PIK3C3: variants seen among roughly 807,000 people sequenced by gnomAD.
PIK3C3 encodes PI3-kinase type 3.
PIK3C3 carries 95 observed loss-of-function variants against 126.1 expected under a neutral mutation model. The observed-to-expected ratio is 0.75, with a 90% CI of 0.64 to 0.89. The LOEUF (loss-of-function observed/expected upper bound fraction) is 0.89, where lower values mean the gene tolerates loss of function less well. Among genes scored for constraint, PIK3C3 ranks in the 40% least tolerant of loss-of-function variants. The probability of loss-of-function intolerance (pLI) is 0.00; values close to 1 mark genes in which losing one functional copy is unlikely to be tolerated. For missense variants in PIK3C3, 829 were observed against 1,063.2 expected (o/e 0.78, Z 3.06); for synonymous variants, 374 against 360.0 (o/e 1.04, Z -0.44).
Position 41,978,239 on chromosome 18 carries a change from G to C in PIK3C3, c.531+7783G>C, listed in dbSNP as rs539976324. ...CAAACTGCTGGGATTACAGGCATAAGCCACCATGCTGGACCTCTAGGCTAA... is the reference window on the plus strand; with the variant it reads ...CAAACTGCTGGGATTACAGGCATAACCCACCATGCTGGACCTCTAGGCTAA... On this transcript the variant is annotated intron_variant, in intron 4 of 24. Transcript: ENST00000262039. Among the ~76,000 whole-genome samples, 24 of 152,336 alleles carry C rather than the reference G, an allele frequency of 1.6e-4. No homozygotes were observed. In the South Asian group the frequency reaches 4.6e-3, roughly 29 times the overall value.
intron 2 of PIK3C3, among the ~76,000 whole-genome samples, chr18:41,960,126 A>C (rs1370308812): frequency 1.3e-5 from 2 of 152,140 alleles, no homozygotes; most frequent in African/African-American, 4.8e-5. Flanking sequence ...TCTGATAGTG[A>C]GTTGTGAGAG....
chr18:42,033,685 A>T (rs758436273), intron 15 of PIK3C3, 141 bp from the exon 16 acceptor site: 2 of 532,832 alleles, frequency 3.8e-6, no homozygotes, highest in Non-Finnish European at 6.4e-6. Context: ...TGTCTCTCAC[A>T]TACAACACCA....
Position 42,049,564 on chromosome 18 carries a change from T to C in PIK3C3, c.2222T>C (p.Val741Ala), listed in dbSNP as rs773893078. The C allele has an allele frequency of 1.2e-6, 2 of 1,613,732 alleles. No homozygotes were observed. Among genetic ancestry groups the C allele is most frequent in the African/African-American group, 2.7e-5 (2 of 74,918 alleles). ...GYCVITYILGVGDRHLDNLLL... is the reference protein window; with the variant it reads ...GYCVITYILGAGDRHLDNLLL... ...TGCGTGATCACCTATATACTTGGAGTTGGAGACAGGCACCTGGATAACCTT... is the reference window on the plus strand; with the variant it reads ...TGCGTGATCACCTATATACTTGGAGCTGGAGACAGGCACCTGGATAACCTT... The change falls in exon 21 of 25, where the codon GTT becomes GCT. Residue 741 changes from valine to alanine, a missense_variant. Coordinates refer to ENST00000262039, the MANE Select transcript of PIK3C3 (RefSeq NM_002647.4).
intron 10 of PIK3C3, among the ~76,000 whole-genome samples, chr18:42,007,285 T>A: frequency 6.6e-6 from 1 of 152,246 alleles, no homozygotes; most frequent in East Asian, 1.9e-4. Context: ...CTTATACTTT[T>A]AAAAAATTTG....
chr18:41,996,878 A>G, intron 9 of PIK3C3, 148 bp downstream of exon 9: 1 of 427,392 alleles, frequency 2.3e-6, no homozygotes, highest in Admixed American at 4.4e-5. Flanking sequence ...TTTTTAAAAA[A>G]ATTATGAAAT....
intron 2 of PIK3C3, among the ~76,000 whole-genome samples, chr18:41,961,155 G>A (rs889082573): frequency 3.3e-5 from 5 of 152,138 alleles, no homozygotes; most frequent in Admixed American, 3.3e-4. Flanking sequence ...GTGTTGTCTG[G>A]TAGTCATTAA....
At chr18:42,079,089 A>C (rs935156910) in intron 24 of PIK3C3, among the ~76,000 whole-genome samples, 23 of 152,320 alleles carry the variant, frequency 1.5e-4, no homozygotes, top group African/African-American at 5.3e-4. Flanking sequence ...TGGCTCTTTG[A>C]TGCGAGAGTC....
At chr18:41,973,509 T>C (rs1471811225) in intron 4 of PIK3C3, among the ~76,000 whole-genome samples, 2 of 152,132 alleles carry the variant, frequency 1.3e-5, no homozygotes, top group African/African-American at 4.8e-5. Context: ...ACTTACATTC[T>C]TAAAATTATA....
intron 9 of PIK3C3, among the ~76,000 whole-genome samples, chr18:41,997,924 G>A (rs1242617884): frequency 6.6e-6 from 1 of 152,156 alleles, no homozygotes; most frequent in Admixed American, 6.6e-5. Context: ...ATTAGAGGAA[G>A]AGCAGAGAAG....
chr18:41,997,624 A>C (rs1982090150), intron 9 of PIK3C3, among the ~76,000 whole-genome samples: 1 of 152,082 alleles, frequency 6.6e-6, no homozygotes, highest in Non-Finnish European at 1.5e-5. Context: ...TTAAGGTATA[A>C]TAATAATAGC....
intron 12 of PIK3C3, among the ~76,000 whole-genome samples, chr18:42,019,247 A>G (rs139140929): frequency 1.3e-5 from 2 of 152,248 alleles, no homozygotes; most frequent in African/African-American, 4.8e-5. Context: ...AGAATTTTCC[A>G]TGTTAAAAAT....
intron 21 of PIK3C3, 46 bp from the exon 22 acceptor site, chr18:42,057,837 C>CT: frequency 6.3e-7 from 1 of 1,578,210 alleles, no homozygotes; most frequent in Non-Finnish European, 8.7e-7. Flanking sequence ...CTACCCAGTT[C>CT]TTTAAGATAA....
intron 1 of PIK3C3, among the ~76,000 whole-genome samples, chr18:41,956,946 C>G (rs183306066): frequency 6.6e-6 from 1 of 152,136 alleles, no homozygotes. Context: ...AAATGTTCCT[C>G]CCTCTGTGAT....
rs946340519 is a variant in PIK3C3, at chr18:42,082,281, G to A, written c.*1144G>A. 3.9e-5 allele frequency: 6 copies of A among 152,140 alleles called. No homozygotes were observed. Among genetic ancestry groups the A allele is most frequent in the African/African-American group, 1.4e-4 (6 of 41,426 alleles). The allele number at this position is 152,140 out of a possible 1,614,324, so 9.4% of individuals were successfully genotyped here. ...CAGAGAAGATGAAGGTAAAATTGTG[G>A]CACAGTTTCAGAGAATGCCGTTAAT... On this transcript the variant is annotated 3_prime_UTR_variant, in exon 25 of 25. Coordinates refer to ENST00000262039, the MANE Select transcript of PIK3C3 (RefSeq NM_002647.4).
chr18:42,061,286 T>C (rs1391365104), intron 22 of PIK3C3, among the ~76,000 whole-genome samples: 2 of 152,134 alleles, frequency 1.3e-5, no homozygotes, highest in African/African-American at 4.8e-5. Flanking sequence ...TTAGGTTGTC[T>C]AATACTGGTT....
chr18:42,040,513 G>T (rs1984262974), intron 18 of PIK3C3, among the ~76,000 whole-genome samples, 164 bp from the exon 19 acceptor site: 1 of 152,090 alleles, frequency 6.6e-6, no homozygotes, highest in Non-Finnish European at 1.5e-5. Flanking sequence ...CAGGTCCTAT[G>T]ACATAAATGC....
intron 24 of PIK3C3, among the ~76,000 whole-genome samples, chr18:42,076,464 TA>T (rs1986038158): frequency 6.6e-6 from 1 of 152,028 alleles, no homozygotes; most frequent in Admixed American, 6.6e-5. Context: ...TAATCCAAGA[TA>T]AATAGGATAA....
At chr18:42,008,794 A>G (rs756004388) in intron 10 of PIK3C3, among the ~76,000 whole-genome samples, 2 of 152,250 alleles carry the variant, frequency 1.3e-5, no homozygotes, top group South Asian at 2.1e-4. Flanking sequence ...TGTACTTACT[A>G]TTGAAGTTAA....
chr18:42,014,000 T>TA (rs1227137411), intron 11 of PIK3C3, among the ~76,000 whole-genome samples: 1 of 152,126 alleles, frequency 6.6e-6, no homozygotes, highest in African/African-American at 2.4e-5. Context: ...TACTATTACT[T>TA]ATTTATGTTA....
Sources: allele counts gnomAD v4.1 joint callset (sites outside exome capture counted in the v4.1 genomes callset), GRCh38; gene constraint gnomAD v4.1.1; transcripts MANE v1.5; gene names NCBI Gene and HGNC (gene_info 2026-07-23, HGNC 2026-07-21).